AADAC: variants seen among roughly 807,000 people sequenced by gnomAD.
The protein encoded by AADAC is arylacetamide deacetylase (esterase).
Under a neutral mutation model 22.7 loss-of-function variants are expected in AADAC, and 17 were observed. The observed-to-expected ratio is 0.75, with a 90% CI of 0.51 to 1.12. The LOEUF (loss-of-function observed/expected upper bound fraction) is 1.12. Ranked by LOEUF, AADAC falls within the 50% of genes most tolerant of loss-of-function variation. AADAC has a pLI of 0.00. For synonymous variants in AADAC, 167 were observed against 176.3 expected (o/e 0.95, Z 0.42); for missense variants, 465 against 473.9 (o/e 0.98, Z 0.17).
intron 4 of AADAC, among the ~76,000 whole-genome samples, chr3:151,825,785 T>C (rs973785573): frequency 1.4e-4 from 21 of 152,018 alleles, no homozygotes; most frequent in Admixed American, 3.3e-4. Context: ...CTGCTATTGA[T>C]TGTTTAAACA....
intron 3 of AADAC, among the ~76,000 whole-genome samples, chr3:151,821,528 T>C (rs1397817473): frequency 1.3e-5 from 2 of 152,002 alleles, no homozygotes; most frequent in Admixed American, 1.3e-4. Flanking sequence ...TAAATCATTA[T>C]TATAAAGTTG....
chr3:151,826,190 AC>A (rs1382661379), intron 4 of AADAC, among the ~76,000 whole-genome samples: 2 of 152,032 alleles, frequency 1.3e-5, no homozygotes, highest in East Asian at 3.8e-4. Context: ...TGTTTCAACC[AC>A]AATATAGAAC....
chr3:151,815,673 C>A (rs545504422), intron 1 of AADAC, among the ~76,000 whole-genome samples: 2 of 151,648 alleles, frequency 1.3e-5, no homozygotes, highest in Non-Finnish European at 2.9e-5. Flanking sequence ...TTAATTAATT[C>A]ATTCATTTAC....
chr3:151,824,775 A>G lies in AADAC; in HGVS notation c.544A>G (p.Arg182Gly). The G allele has an allele frequency of 1.2e-6, 2 of 1,607,712 alleles. No individual in the cohort carries two copies. The highest frequency in any genetic ancestry group is 1.1e-5 in the South Asian group (1 of 89,716). ...TGCAAAATATGGTGTGAACCCTGAG[A>G]GAATCGGTATTTCTGGAGATAGTGC... is the stretch of plus-strand genomic sequence containing the variant. ...VLAKYGVNPE[R>G]IGISGDSAGG... The change falls in exon 4 of 5, where the codon AGA becomes GGA. Residue 182 changes from arginine (R) to glycine (G), a missense_variant. Physicochemically the swap from Arg to Gly is moderately radical, Grantham distance 125. Transcript: ENST00000232892.
At chr3:151,815,090 T>C (rs1203742636) in intron 1 of AADAC, among the ~76,000 whole-genome samples, 1 of 151,908 alleles carries the variant, frequency 6.6e-6, no homozygotes, top group Non-Finnish European at 1.5e-5. Context: ...GACATTCTAG[T>C]GGTGGAGAAA....
At position 151,828,098 on chromosome 3, in the gene AADAC, T is replaced by C. The variant is rs187652875; in HGVS notation, c.1126T>C (p.Phe376Leu). The C allele has an allele frequency of 9.9e-6, 16 of 1,610,352 alleles. No homozygotes were observed. In the East Asian group the frequency reaches 2.9e-4, roughly 29 times the overall value. ...TGTTGAGGATGGATTCCATGGAGCA[T>C]TTTCATTTCTGGGACTTAAAATTAG... Reference protein sequence around the residue: ...NHVEDGFHGAFSFLGLKISHR... With the variant: ...NHVEDGFHGALSFLGLKISHR... The change falls in exon 5 of 5, where the codon TTT becomes CTT. Residue 376 changes from phenylalanine to leucine, a missense_variant. Physicochemically the swap from Phe to Leu is conservative, Grantham distance 22. Transcript: ENST00000232892.
Position 151,820,442 on chromosome 3 carries a change from G to GT in AADAC, c.422dup (p.Ser142IlefsTer9). On this transcript the variant is annotated frameshift_variant, in exon 3 of 5. Coordinates refer to ENST00000232892, the MANE Select transcript of AADAC (RefSeq NM_001086.3). LOFTEE classifies it high-confidence loss of function. ...AGCAGACAGACTTGATGCTGTCGTC[G>GT]TATCAACCAAGTAAGAGCTGTGCTG... 2 of 1,578,452 alleles carry GT rather than the reference G, an allele frequency of 1.3e-6. No individual in the cohort carries two copies. The highest frequency in any genetic ancestry group is 1.7e-6 in the Non-Finnish European group (2 of 1,159,608).
chr3:151,817,717 G>A (rs1287724572), intron 2 of AADAC, 129 bp downstream of exon 2: 2 of 807,284 alleles, frequency 2.5e-6, no homozygotes, highest in Non-Finnish European at 3.9e-6. Flanking sequence ...GCTTTGTTCT[G>A]GCAAAGTTTT....
At chr3:151,824,607 T>C in intron 3 of AADAC, 56 bp from the exon 4 acceptor site, 1 of 1,309,314 alleles carries the variant, frequency 7.6e-7, no homozygotes, top group Non-Finnish European at 9.9e-7. Context: ...CAATAATATA[T>C]TACAGTCTAA....
At position 151,814,202 on chromosome 3, in the gene AADAC, C is replaced by G. The variant is rs781167260; in HGVS notation, c.40C>G (p.Leu14Val). 1 of 1,613,270 alleles carries G rather than the reference C, an allele frequency of 6.2e-7. No homozygotes were observed. Among genetic ancestry groups the G allele is most frequent in the South Asian group, 1.1e-5 (1 of 91,056 alleles). ...GCTGTACCTTCTGATTGTGGGGATC[C>G]TCATAGCATATTATATTTATACGCC... ...KSLYLLIVGILIAYYIYTPLP... is the reference protein window; with the variant it reads ...KSLYLLIVGIVIAYYIYTPLP... Residue 14 changes from leucine to valine, a missense_variant, in exon 1 of 5, where the codon CTC (leucine) becomes GTC (valine). Coordinates refer to ENST00000232892, the MANE Select transcript of AADAC (RefSeq NM_001086.3).
chr3:151,815,925 G>A (rs1715970180), intron 1 of AADAC, among the ~76,000 whole-genome samples: 1 of 151,864 alleles, frequency 6.6e-6, no homozygotes, highest in Non-Finnish European at 1.5e-5. Context: ...ATTATGTTAT[G>A]AACATTACAT....
chr3:151,821,876 T>C (rs759613468), intron 3 of AADAC, among the ~76,000 whole-genome samples: 1 of 151,848 alleles, frequency 6.6e-6, no homozygotes, highest in Non-Finnish European at 1.5e-5. Context: ...ATAATTTTGG[T>C]TATATTTAAA....
At chr3:151,824,628 CA>C (rs746893272) in intron 3 of AADAC, 34 bp from the exon 4 acceptor site, 5 of 1,126,896 alleles carry the variant, frequency 4.4e-6, no homozygotes, top group East Asian at 5.4e-5. Context: ...TCAAAACAAA[CA>C]AAAAAATGTG....
intron 1 of AADAC, among the ~76,000 whole-genome samples, chr3:151,816,807 C>T (rs985730011): frequency 1.3e-5 from 2 of 151,410 alleles, no homozygotes; most frequent in African/African-American, 2.4e-5. Context: ...GTGGCTTGGC[C>T]AAAAAATGAT....
In AADAC at chr3:151,827,842, G is replaced by T. The variant is rs149494101; in HGVS notation, c.870G>T (p.Arg290Ser). 1 of 1,613,136 alleles carries T rather than the reference G, an allele frequency of 6.2e-7. No individual in the cohort carries two copies. Among genetic ancestry groups the T allele is most frequent in the Non-Finnish European group, 8.5e-7 (1 of 1,179,590 alleles). Residue 290 changes from arginine to serine, a missense_variant, in exon 5 of 5, where the codon AGG (arginine) becomes AGT (serine). Coordinates refer to ENST00000232892, the MANE Select transcript of AADAC (RefSeq NM_001086.3). ...ATTGGAGTTCCCTGCTCCCTGAGAG[G>T]TTTATAAAAGGACATGTTTATAACA... ...FVNWSSLLPERFIKGHVYNNP... is the reference protein window; with the variant it reads ...FVNWSSLLPESFIKGHVYNNP...
rs563228871 is a variant in AADAC at position 151,814,179 on chromosome 3, T to C, written c.17T>C (p.Leu6Pro). 2 of 1,613,424 alleles carry C rather than the reference T, an allele frequency of 1.2e-6. No homozygotes were observed. Among genetic ancestry groups the C allele is most frequent in the Admixed American group, 3.3e-5 (2 of 59,922 alleles). MGRKS[L>P]YLLIVGILIA... The stretch of plus-strand genomic sequence containing the variant: ...ACGTTCACCATGGGAAGAAAATCGC[T>C]GTACCTTCTGATTGTGGGGATCCTC... Residue 6 changes from leucine to proline, a missense_variant, in exon 1 of 5, where the codon CTG (leucine) becomes CCG (proline). Leu to Pro is a moderately conservative substitution (Grantham distance 98, BLOSUM62 -3). Coordinates refer to ENST00000232892, the MANE Select transcript of AADAC (RefSeq NM_001086.3).
intron 3 of AADAC, among the ~76,000 whole-genome samples, chr3:151,824,049 G>T (rs1233298669): frequency 1.3e-5 from 2 of 151,890 alleles, no homozygotes; most frequent in African/African-American, 4.8e-5. Flanking sequence ...GAAACTTTAT[G>T]CCAGCTGATC....
rs551253200 is a variant in AADAC, at chr3:151,824,681, G to T, written c.450G>T (p.Lys150Asn). The change falls in exon 4 of 5, where the codon AAG becomes AAT. Residue 150 changes from lysine to asparagine, a missense_variant. By Grantham distance (94) the Lys-to-Asn change is moderately conservative (BLOSUM62 0). Coordinates refer to ENST00000232892, the MANE Select transcript of AADAC (RefSeq NM_001086.3). ...TCTACAGCTACAGATTAGCACCTAA[G>T]TATCATTTCCCAATTCAATTTGAAG... ...VVSTNYRLAP[K>N]YHFPIQFEDV... 4.3e-5 allele frequency: 68 copies of T among 1,579,964 alleles called. 2 individuals carry two copies. The highest frequency in any genetic ancestry group is 5.7e-5 in the Non-Finnish European group (67 of 1,165,702).
At chr3:151,825,643 T>C (rs1010660267) in intron 4 of AADAC, among the ~76,000 whole-genome samples, 2 of 151,950 alleles carry the variant, frequency 1.3e-5, no homozygotes, top group African/African-American at 4.8e-5. Context: ...GATTTTTGTA[T>C]GTAGATGTAA....
Sources: gnomAD v4.1 joint callset for allele counts (sites outside exome capture counted in the v4.1 genomes callset) on GRCh38, gnomAD v4.1.1 for gene constraint, MANE v1.5 for transcripts, NCBI Gene and HGNC (gene_info 2026-07-23, HGNC 2026-07-21) for gene names.